The following TENM2 variants were observed in gnomAD, a reference collection of about 807,000 sequenced individuals.
TENM2 encodes teneurin-2.
A neutral mutation model predicts 245.2 loss-of-function variants in TENM2; 52 were observed. The observed-to-expected ratio is 0.21, with a 90% confidence interval of 0.17 to 0.27. TENM2 has a LOEUF of 0.27. Among genes scored for constraint, TENM2 ranks in the 10% least tolerant of loss-of-function variants. The probability of loss-of-function intolerance (pLI) is 1.00; values close to 1 mark genes in which losing one functional copy is unlikely to be tolerated. For synonymous variants in TENM2, 1,363 were observed against 1,438.9 expected (o/e 0.95, Z 1.19); for missense variants, 3,046 against 3,666.8 (o/e 0.83, Z 4.37).
intron 2 of TENM2, among the ~76,000 whole-genome samples, chr5:167,607,384 T>C (rs778945489): frequency 3.3e-5 from 5 of 152,200 alleles, no homozygotes; most frequent in Non-Finnish European, 5.9e-5. Flanking sequence ...AAGCTCCTGA[T>C]ACTTAAGTGT....
At chr5:167,855,532 C>G (rs1561858804) in intron 2 of TENM2, among the ~76,000 whole-genome samples, 2 of 152,094 alleles carry the variant, frequency 1.3e-5, no homozygotes, top group East Asian at 3.9e-4. Context: ...TCTCTACCCT[C>G]CAGAATATAA....
At chr5:167,053,185 T>C in the TENM2 span, among the ~76,000 whole-genome samples, 6 of 152,216 alleles carry the variant, frequency 3.9e-5, no homozygotes, top group Admixed American at 3.3e-4. Flanking sequence ...TGAAGTATTT[T>C]GTCCAGTATT....
chr5:167,868,729 T>C (rs1772549300), intron 2 of TENM2, among the ~76,000 whole-genome samples: 1 of 118,882 alleles, frequency 8.4e-6, no homozygotes, highest in Non-Finnish European at 1.8e-5. Context: ...GATAGTGAGA[T>C]TCTGTCTAAA....
At chr5:168,166,307 C>G (rs368783928) in intron 13 of TENM2, among the ~76,000 whole-genome samples, 20 of 152,086 alleles carry the variant, frequency 1.3e-4, no homozygotes, top group African/African-American at 4.6e-4. Flanking sequence ...CCAAAGTGGA[C>G]TGGAAAAGAC....
chr5:168,218,272 A>G lies in TENM2; in HGVS notation c.4381A>G (p.Ile1461Val). The G allele has an allele frequency of 3.1e-6, 5 of 1,613,596 alleles. No homozygotes were observed. Among genetic ancestry groups the G allele is most frequent in the Non-Finnish European group, 4.2e-6 (5 of 1,179,830 alleles). The stretch of plus-strand genomic sequence containing the variant: ...CCCCATGCACTGCCAAGTTCCTGGC[A>G]TTGACTACTCACTCAGCAAACTAGC... The change falls in exon 23 of 29, where the codon ATT (isoleucine) becomes GTT (valine). Residue 1461 changes from isoleucine to valine, a missense_variant. Ile to Val is a conservative substitution (Grantham distance 29). Transcript: ENST00000518659. The surrounding 1 kb of genome is among the most constrained non-coding windows in gnomAD (Gnocchi z 5.2).
intron 13 of TENM2, among the ~76,000 whole-genome samples, chr5:168,168,624 G>A (rs1430237077): frequency 1.3e-5 from 2 of 149,684 alleles, no homozygotes. Flanking sequence ...TGAGGCTGCA[G>A]TAAGCCGTGA....
At chr5:167,069,341 G>A in the TENM2 span, among the ~76,000 whole-genome samples, 2 of 152,100 alleles carry the variant, frequency 1.3e-5, no homozygotes, top group African/African-American at 2.4e-5. Context: ...TGATTTATAT[G>A]TTTAACGGTA....
intron 4 of TENM2, among the ~76,000 whole-genome samples, chr5:167,978,519 A>G (rs1172885426): frequency 6.6e-6 from 1 of 152,222 alleles, no homozygotes; most frequent in Non-Finnish European, 1.5e-5. Context: ...GAAGCCAGAC[A>G]CAAAAGGTCA....
chr5:167,200,604 G>A, the TENM2 span, among the ~76,000 whole-genome samples: 1 of 152,042 alleles, frequency 6.6e-6, no homozygotes, highest in Non-Finnish European at 1.5e-5. Context: ...ATGTTATGCA[G>A]AAGATTTGAA....
intron 9 of TENM2, among the ~76,000 whole-genome samples, chr5:168,103,861 G>A (rs1794021481): frequency 6.6e-6 from 1 of 152,128 alleles, no homozygotes; most frequent in African/African-American, 2.4e-5. Flanking sequence ...GCTGACTGTT[G>A]GCAGGGAGTA....
the TENM2 span, among the ~76,000 whole-genome samples, chr5:167,146,934 A>G: frequency 6.6e-6 from 1 of 152,308 alleles, no homozygotes; most frequent in African/African-American, 2.4e-5. Context: ...AGGACACTAG[A>G]TGGTACATTT....
the TENM2 span, among the ~76,000 whole-genome samples, chr5:167,007,730 T>TA: frequency 6.6e-6 from 1 of 152,212 alleles, no homozygotes; most frequent in African/African-American, 2.4e-5. This position sits in a 1 kb window ranked among gnomAD's most constrained non-coding sequence, Gnocchi z 4.2. Flanking sequence ...ACCCTATAGC[T>TA]AAATGTATGT....
chr5:167,977,612 G>A (rs1782538407), intron 4 of TENM2, among the ~76,000 whole-genome samples: 1 of 152,088 alleles, frequency 6.6e-6, no homozygotes, highest in African/African-American at 2.4e-5. Context: ...TACTACTGCT[G>A]CCACCTGGCT....
the TENM2 span, among the ~76,000 whole-genome samples, chr5:167,133,102 T>G: frequency 4.4e-3 from 663 of 151,998 alleles, 7 homozygotes; most frequent in African/African-American, 0.015. Context: ...GCCAAATGGA[T>G]AGGCTGACCA....
chr5:166,996,905 A>T, the TENM2 span, among the ~76,000 whole-genome samples: 1 of 152,332 alleles, frequency 6.6e-6, no homozygotes, highest in East Asian at 1.9e-4. Flanking sequence ...AAGTTGGACT[A>T]ACTGCCCCTT....
At position 167,960,723 on chromosome 5, in the gene TENM2, G is replaced by A. The variant is rs138746357; in HGVS notation, c.947+7901G>A. On this transcript the variant is annotated intron_variant, in intron 4 of 28. Coordinates refer to ENST00000518659, the Ensembl canonical transcript of TENM2. ...GAGTGAACGGTTCTGTCTTACTAGCGTTCCAGTCACCTCTGTGGTATTAAT... is the reference window on the plus strand; with the variant it reads ...GAGTGAACGGTTCTGTCTTACTAGCATTCCAGTCACCTCTGTGGTATTAAT... Among the ~76,000 whole-genome samples the A allele has an allele frequency of 2.5e-4, 38 of 152,190 alleles. No individual in the cohort carries two copies. The East Asian group carries it at 4.6e-3, about 19-fold the overall frequency.
chr5:167,944,361 T>A (rs1338984537), intron 3 of TENM2, among the ~76,000 whole-genome samples: 1 of 151,778 alleles, frequency 6.6e-6, no homozygotes, highest in East Asian at 1.9e-4. Flanking sequence ...GACATTCACA[T>A]GTGCAACTCG....
At chr5:168,216,696 C>T (rs1345990724) in intron 21 of TENM2, 72 bp from the exon 24 acceptor site, 2 of 1,492,298 alleles carry the variant, frequency 1.3e-6, no homozygotes, top group Admixed American at 1.7e-5. Flanking sequence ...AGCAAGGCAT[C>T]TCATCTCCCA....
chr5:166,981,674 T>C, the TENM2 span, among the ~76,000 whole-genome samples: 1 of 152,186 alleles, frequency 6.6e-6, no homozygotes, highest in Non-Finnish European at 1.5e-5. Context: ...AATTTATTTA[T>C]GAAACATCAA....
Sources: gnomAD v4.1 joint callset for allele counts (sites outside exome capture counted in the v4.1 genomes callset) on GRCh38, gnomAD v4.1.1 for gene constraint, Gnocchi (gnomAD v3.1) non-coding constraint, MANE v1.5 for transcripts, NCBI Gene and HGNC (gene_info 2026-07-23, HGNC 2026-07-21) for gene names.